Variants in CYFIP2 observed in about 807,000 individuals in gnomAD.
CYFIP2 encodes cytoplasmic FMR1-interacting protein 2.
In CYFIP2, 29 loss-of-function variants were observed where a neutral mutation model predicts 158.7. That is an observed-to-expected ratio of 0.18 (90% confidence interval 0.14 to 0.25). The LOEUF (loss-of-function observed/expected upper bound fraction) is 0.25, where lower values mean the gene tolerates loss of function less well. Ranked by LOEUF, CYFIP2 falls within the 10% of genes least tolerant of loss-of-function variation. CYFIP2 has a pLI of 1.00. For missense variants in CYFIP2, 852 were observed against 1,639.5 expected, an observed-to-expected ratio of 0.52 and a Z score of 8.29; for synonymous variants, 585 against 617.6, an observed-to-expected ratio of 0.95 and a Z score of 0.78.
At chr5:157,281,481 C>T (rs1203019129) in intron 1 of CYFIP2, among the ~76,000 whole-genome samples, 1 of 152,144 alleles carries the variant, frequency 6.6e-6, no homozygotes, top group Non-Finnish European at 1.5e-5. Flanking sequence ...TACCAATTCT[C>T]AACATAAAGG....
intron 9 of CYFIP2, among the ~76,000 whole-genome samples, chr5:157,308,693 T>C (rs914644382): frequency 6.6e-6 from 1 of 152,170 alleles, no homozygotes; most frequent in Non-Finnish European, 1.5e-5. Context: ...CATAAGTCAC[T>C]AAGAGGAATC....
intron 1 of CYFIP2, among the ~76,000 whole-genome samples, chr5:157,272,250 C>G (rs1314168141): frequency 6.6e-6 from 1 of 152,174 alleles, no homozygotes; most frequent in Non-Finnish European, 1.5e-5. Context: ...CTGCAGGTCC[C>G]CTGTGTGGAG....
At chr5:157,343,634 C>G in intron 23 of CYFIP2, 1 of 1,030,040 alleles carries the variant, frequency 9.7e-7, no homozygotes, top group African/African-American at 1.6e-5. Flanking sequence ...ACATTTGAGA[C>G]GGGCACTCAT....
At chr5:157,288,927 G>T (rs1038820749) in intron 3 of CYFIP2, among the ~76,000 whole-genome samples, 2 of 152,218 alleles carry the variant, frequency 1.3e-5, no homozygotes, top group African/African-American at 2.4e-5. Context: ...AGTGGCTTTT[G>T]TGTGAGGCCT....
intron 28 of CYFIP2, among the ~76,000 whole-genome samples, chr5:157,385,714 T>G (rs555518755): frequency 6.6e-6 from 1 of 152,136 alleles, no homozygotes; most frequent in South Asian, 2.1e-4. Flanking sequence ...CCTGCCTTTC[T>G]TGTTATCACG....
chr5:157,343,336 G>A lies in CYFIP2; in HGVS notation c.2673+2179G>A, dbSNP rs115757838. 5 of 1,614,178 alleles carry A rather than the reference G, an allele frequency of 3.1e-6. No homozygotes were observed. In the South Asian group the frequency reaches 4.4e-5, roughly 14 times the overall value. On this transcript the variant is annotated intron_variant, in intron 23 of 30. Transcript: ENST00000620254. Reference sequence around the variant, plus strand: ...TGCACAGGAAGTAGAGAGTGGAAGGGGCAAGATGTTCCAGCACCACGGAGC... The same window carrying A: ...TGCACAGGAAGTAGAGAGTGGAAGGAGCAAGATGTTCCAGCACCACGGAGC...
intron 23 of CYFIP2, among the ~76,000 whole-genome samples, chr5:157,350,261 A>G (rs1256075397): frequency 6.6e-6 from 1 of 152,210 alleles, no homozygotes; most frequent in Non-Finnish European, 1.5e-5. Flanking sequence ...TTCAGGTCTT[A>G]GATTTAAGTC....
intron 21 of CYFIP2, among the ~76,000 whole-genome samples, chr5:157,335,258 T>G (rs1396159042): frequency 6.6e-6 from 1 of 152,134 alleles, no homozygotes; most frequent in Non-Finnish European, 1.5e-5. Flanking sequence ...AGATACTACC[T>G]GTTTTTTTGT....
At chr5:157,337,621 C>T (rs555639771) in intron 21 of CYFIP2, among the ~76,000 whole-genome samples, 5 of 152,326 alleles carry the variant, frequency 3.3e-5, no homozygotes, top group African/African-American at 4.8e-5. Context: ...CTGGGATCTC[C>T]ACCTGACCAT....
At chr5:157,298,787 C>G (rs570425088) in intron 5 of CYFIP2, among the ~76,000 whole-genome samples, 160 of 152,330 alleles carry the variant, frequency 1.1e-3, no homozygotes, top group Non-Finnish European at 1.4e-3. Context: ...TTTGCCTGTT[C>G]TGGACATTTC....
chr5:157,294,886 C>G, intron 4 of CYFIP2, 26 bp downstream of exon 4: 2 of 1,599,764 alleles, frequency 1.3e-6, no homozygotes, highest in Non-Finnish European at 1.7e-6. Context: ...TTGTGTGTCT[C>G]TTTCCCCTCC....
intron 1 of CYFIP2, among the ~76,000 whole-genome samples, chr5:157,284,079 G>A (rs1561688659): frequency 6.6e-6 from 1 of 151,994 alleles, no homozygotes; most frequent in African/African-American, 2.4e-5. Flanking sequence ...CTGAAACTCA[G>A]CTTTTAGTGT....
chr5:157,285,463 C>T lies in CYFIP2; in HGVS notation c.102C>T (p.Ser34=), dbSNP rs757626231. 4.5e-6 allele frequency: 7 copies of T among 1,570,778 alleles called. No homozygotes were observed. The South Asian group carries it at 4.7e-5, about 11-fold the overall frequency. ...DQQPCIEPPP[S]SIMYQANFDT... ...AGCCATGCATCGAGCCTCCACCTTC[C>T]TCCATCATGTACCAGGTAATGGAAA... Residue 34 remains serine (S), a synonymous_variant, in exon 2 of 31, where the codon TCC becomes TCT. Transcript: ENST00000620254.
rs148144372 is a variant in CYFIP2, at chr5:157,315,393, C to G, written c.1356+299C>G. 5.1e-4 allele frequency among the ~76,000 whole-genome samples: 77 copies of G among 152,184 alleles called. 2 individuals are homozygous for G. In the East Asian group the frequency reaches 0.014, roughly 27 times the overall value. ...GGCTACAAGAGGTATGAAAAATGCC[C>G]AAACTGGTCAGTGGTCAGAGAGCTA... On this transcript the variant is annotated intron_variant, in intron 13 of 30. Coordinates refer to ENST00000620254, the MANE Select transcript of CYFIP2 (RefSeq NM_001037333.3).
intron 22 of CYFIP2, 81 bp from the exon 23 acceptor site, chr5:157,340,989 G>A: frequency 7.4e-7 from 1 of 1,351,404 alleles, no homozygotes; most frequent in East Asian, 2.3e-5. Context: ...ACCTGGCCAG[G>A]AAGCACTCCT....
At position 157,325,633 on chromosome 5, in the gene CYFIP2, G is replaced by T; in HGVS notation, c.1977G>T (p.Met659Ile). ...TCCTGGAAACCAAAGAACCTTCCAT[G>T]ATGGAGTAAGAGGCAGGATTGGGCC... ...DHILETKEPS[M>I]MEYVLYPLDL... The change falls in exon 17 of 31, where the codon ATG (methionine) becomes ATT (isoleucine). Residue 659 changes from methionine (M) to isoleucine (I), a missense_variant. By Grantham distance (10) the Met-to-Ile change is conservative. Coordinates refer to ENST00000620254, the MANE Select transcript of CYFIP2 (RefSeq NM_001037333.3). 1.2e-6 allele frequency: 2 copies of T among 1,606,912 alleles called. No individual in the cohort carries two copies. Among genetic ancestry groups the T allele is most frequent in the Non-Finnish European group, 1.7e-6 (2 of 1,176,098 alleles).
intron 3 of CYFIP2, among the ~76,000 whole-genome samples, chr5:157,291,055 G>A (rs1387865202): frequency 6.6e-6 from 1 of 152,114 alleles, no homozygotes; most frequent in Non-Finnish European, 1.5e-5. Flanking sequence ...GAAATGTAAA[G>A]GACCTTAGAG....
rs1755583623 is a variant in CYFIP2, at chr5:157,266,286, C to T, written c.-24+91C>T. 6.6e-6 allele frequency: 1 copy of T among 151,016 alleles called. No individual in the cohort carries two copies. Among genetic ancestry groups the T allele is most frequent in the Admixed American group, 6.6e-5 (1 of 15,188 alleles). The allele number at this position is 151,016 out of a possible 1,614,324, so 9.4% of individuals were successfully genotyped here. A position where few individuals can be genotyped will look rare whatever the true frequency, so the allele number is the denominator to read the frequency against. On this transcript the variant is annotated intron_variant, in intron 1 of 30. Coordinates refer to ENST00000620254, the MANE Select transcript of CYFIP2 (RefSeq NM_001037333.3). This position sits in a 1 kb window ranked among gnomAD's most constrained non-coding sequence, Gnocchi z 4.2. Reference sequence around the variant, plus strand: ...GGCCGTGAGGATGCGCGAAGGGCCGCCCCCTCTCCCGGCCCGCGGGGGGCG... The same window carrying T: ...GGCCGTGAGGATGCGCGAAGGGCCGTCCCCTCTCCCGGCCCGCGGGGGGCG...
intron 21 of CYFIP2, among the ~76,000 whole-genome samples, chr5:157,338,409 G>A (rs555184761): frequency 2.0e-5 from 3 of 152,344 alleles, no homozygotes; most frequent in African/African-American, 7.2e-5. Flanking sequence ...AACTTCTATA[G>A]CAGTTAGAGC....
Sources: gnomAD v4.1 joint callset for allele counts (sites outside exome capture counted in the v4.1 genomes callset) on GRCh38, gnomAD v4.1.1 for gene constraint, Gnocchi (gnomAD v3.1) non-coding constraint, MANE v1.5 for transcripts, NCBI Gene and HGNC (gene_info 2026-07-23, HGNC 2026-07-21) for gene names.